ACTN2: variants seen among roughly 807,000 people sequenced by gnomAD.
The protein encoded by ACTN2 is alpha-actinin-2.
ACTN2 carries 39 observed loss-of-function variants against 113.8 expected under a neutral mutation model. The ratio of observed to expected loss-of-function variants is 0.34; its 90% CI spans 0.27 to 0.45. The LOEUF (loss-of-function observed/expected upper bound fraction) is 0.45. ACTN2 is among the 20% of genes least tolerant of loss of function. The probability of loss-of-function intolerance (pLI) is 1.00; values close to 1 mark genes in which losing one functional copy is unlikely to be tolerated. For synonymous variants in ACTN2, 429 were observed against 444.1 expected (o/e 0.97, Z 0.43); for missense variants, 992 against 1,177.9 (o/e 0.84, Z 2.31).
At chr1:236,687,466 T>C (rs1665916458) in intron 1 of ACTN2, among the ~76,000 whole-genome samples, 1 of 152,220 alleles carries the variant, frequency 6.6e-6, no homozygotes, top group African/African-American at 2.4e-5. Context: ...AGGTTTCCTC[T>C]TGATCCTCTT....
intron 15 of ACTN2, 30 bp downstream of exon 15, chr1:236,751,682 A>G (rs541546217): frequency 6.2e-7 from 1 of 1,613,112 alleles, no homozygotes; most frequent in Non-Finnish European, 8.5e-7. Context: ...GTGTGGGACC[A>G]GGGGGCATTC....
chr1:236,747,170 G>A (rs1572139608), intron 12 of ACTN2, among the ~76,000 whole-genome samples: 1 of 152,200 alleles, frequency 6.6e-6, no homozygotes, highest in Admixed American at 6.5e-5. Flanking sequence ...AATAAATTGA[G>A]CCTGCGGCAT....
chr1:236,692,663 C>A (rs1339636545), intron 1 of ACTN2, among the ~76,000 whole-genome samples: 2 of 152,164 alleles, frequency 1.3e-5, no homozygotes, highest in Admixed American at 1.3e-4. Context: ...ATCACAGGTG[C>A]AGGAGTTCTG....
chr1:236,738,062 T>C (rs1658944220), intron 9 of ACTN2, among the ~76,000 whole-genome samples: 1 of 152,214 alleles, frequency 6.6e-6, no homozygotes, highest in Non-Finnish European at 1.5e-5. Context: ...CAGGCTGGAG[T>C]GCAGTGGGGC....
intron 1 of ACTN2, among the ~76,000 whole-genome samples, chr1:236,709,074 G>A (rs1163443850): frequency 6.6e-6 from 1 of 151,552 alleles, no homozygotes; most frequent in Non-Finnish European, 1.5e-5. Flanking sequence ...TTTTAGAACA[G>A]CAGTTTAACA....
intron 1 of ACTN2, among the ~76,000 whole-genome samples, chr1:236,715,464 C>A (rs1658168072): frequency 6.6e-6 from 1 of 151,888 alleles, no homozygotes; most frequent in African/African-American, 2.4e-5. Flanking sequence ...ATAGTGTTGT[C>A]CAGTAGAATT....
chr1:236,711,072 C>T (rs1305434173), intron 1 of ACTN2, among the ~76,000 whole-genome samples: 1 of 152,228 alleles, frequency 6.6e-6, no homozygotes, highest in African/African-American at 2.4e-5. Context: ...GGCACGGGAA[C>T]GTGGTGCCCA....
chr1:236,753,992 C>CT lies in ACTN2; in HGVS notation c.1886dup (p.Ala630GlyfsTer6). 6.2e-7 allele frequency: 1 copy of CT among 1,614,206 alleles called. No homozygotes were observed. The highest frequency in any genetic ancestry group is 8.5e-7 in the Non-Finnish European group (1 of 1,180,048). On this transcript the variant is annotated frameshift_variant, in exon 16 of 21. Transcript: ENST00000366578. LOFTEE classifies it high-confidence loss of function. ...CCGCGATCAATCCCTGCAGGAGGAG[C>CT]TGGCTCGCCAGCATGCTAACGAGCG... is the stretch of plus-strand genomic sequence containing the variant.
chr1:236,692,813 A>G lies in ACTN2; in HGVS notation c.126+6014A>G, dbSNP rs183135213. 3.9e-4 allele frequency among the ~76,000 whole-genome samples: 60 copies of G among 152,118 alleles called. 1 individual carries two copies. In the East Asian group the frequency reaches 0.011, roughly 28 times the overall value. On this transcript the variant is annotated intron_variant, in intron 1 of 20. Transcript: ENST00000366578. The stretch of plus-strand genomic sequence containing the variant: ...AGATTTTCCAGAGTGTGGGAGGAGG[A>G]ATATAACTCTTAGCAGGGAAACTTA...
At chr1:236,749,391 C>A in intron 14 of ACTN2, 127 bp downstream of exon 14, 1 of 1,193,056 alleles carries the variant, frequency 8.4e-7, no homozygotes, top group Non-Finnish European at 1.2e-6. Context: ...GGCTAGAAAG[C>A]CCAAATTACC....
At chr1:236,700,551 TA>T (rs772486873) in intron 1 of ACTN2, among the ~76,000 whole-genome samples, 2 of 152,196 alleles carry the variant, frequency 1.3e-5, no homozygotes, top group Non-Finnish European at 1.5e-5. Flanking sequence ...CCTGATCTTA[TA>T]AACTGACCCT....
At chr1:236,740,681 C>T (rs533882361) in intron 10 of ACTN2, among the ~76,000 whole-genome samples, 107 of 151,996 alleles carry the variant, frequency 7.0e-4, no homozygotes, top group African/African-American at 2.4e-3. Flanking sequence ...TACTGGTGCC[C>T]GCCACCACGG....
At chr1:236,699,558 G>A (rs1283413717) in intron 1 of ACTN2, among the ~76,000 whole-genome samples, 1 of 152,128 alleles carries the variant, frequency 6.6e-6, no homozygotes, top group Non-Finnish European at 1.5e-5. Context: ...GAGACACTGA[G>A]TCAACTCCCT....
intron 1 of ACTN2, among the ~76,000 whole-genome samples, chr1:236,702,381 G>GT (rs1657704316): frequency 6.6e-6 from 1 of 152,092 alleles, no homozygotes; most frequent in Non-Finnish European, 1.5e-5. Flanking sequence ...AAATAATTGC[G>GT]TAAGAAATAC....
chr1:236,739,220 A>G lies in ACTN2; in HGVS notation c.877-82A>G, dbSNP rs1434656720. On this transcript the variant is annotated intron_variant, in intron 9 of 20. Transcript: ENST00000366578. ...TAGGAACATTCATCCTTTACAAATT[A>G]TTGGATGCCTCATTTTTTTTTTTTA... The G allele has an allele frequency of 5.9e-6, 8 of 1,352,250 alleles. No homozygotes were observed. In the South Asian group the frequency reaches 9.4e-5, roughly 16 times the overall value. 83.8% of individuals were successfully genotyped at this position (1,352,250 alleles called of 1,614,324 possible).
chr1:236,704,703 A>G (rs764093611), intron 1 of ACTN2, among the ~76,000 whole-genome samples: 20 of 152,162 alleles, frequency 1.3e-4, no homozygotes, highest in Admixed American at 4.6e-4. Flanking sequence ...CATAGCTTCT[A>G]TGCCCTCCCC....
In ACTN2 at chr1:236,715,218, ACAT is replaced by A. The variant is rs199555264; in HGVS notation, c.127-2639_127-2637del. Among the ~76,000 whole-genome samples the A allele has an allele frequency of 2.4e-4, 36 of 150,336 alleles. No homozygotes were observed. The East Asian group carries it at 6.9e-3, about 29-fold the overall frequency. On this transcript the variant is annotated intron_variant, in intron 1 of 20. Coordinates refer to ENST00000366578, the MANE Select transcript of ACTN2 (RefSeq NM_001103.4). ...CATGTGCACAACGTGTAGGTTTGTT[ACAT>A]ATGTATACATGTGCCATGTTGGTGT...
rs572542463 is a variant in ACTN2, at chr1:236,753,438, C to CTATGATT, written c.1840-504_1840-498dup. On this transcript the variant is annotated intron_variant, in intron 15 of 20. Coordinates refer to ENST00000366578, the MANE Select transcript of ACTN2 (RefSeq NM_001103.4). Reference sequence around the variant, plus strand: ...TAACCGTAACGTTAGTATGGAATGTCTATGATTTATGCTGTGATAAGGTCA... The same window carrying CTATGATT: ...TAACCGTAACGTTAGTATGGAATGTCTATGATTTATGATTTATGCTGTGATAAGGTCA... Among the ~76,000 whole-genome samples the CTATGATT allele has an allele frequency of 1.2e-3, 188 of 152,264 alleles. 1 individual carries two copies. Among genetic ancestry groups the CTATGATT allele is most frequent in the Middle Eastern group, 3.4e-3 (1 of 294 alleles).
chr1:236,732,712 G>A (rs528620526), intron 7 of ACTN2, among the ~76,000 whole-genome samples: 9 of 152,166 alleles, frequency 5.9e-5, no homozygotes, highest in East Asian at 3.9e-4. Flanking sequence ...CAAAGTGCAC[G>A]GATTACAGAC....
Sources: gnomAD v4.1 joint callset for allele counts (sites outside exome capture counted in the v4.1 genomes callset) on GRCh38, gnomAD v4.1.1 for gene constraint, MANE v1.5 for transcripts, NCBI Gene and HGNC (gene_info 2026-07-23, HGNC 2026-07-21) for gene names.